Variants in ANXA8 observed in about 807,000 individuals in gnomAD.
The protein encoded by ANXA8 is VAC-beta.
In ANXA8, 9 loss-of-function variants were observed where a neutral mutation model predicts 26.8. The ratio of observed to expected loss-of-function variants is 0.34; its 90% CI spans 0.20 to 0.59. The LOEUF is 0.59. ANXA8 is among the 20% of genes least tolerant of loss of function. The probability of loss-of-function intolerance (pLI) is 0.84; values close to 1 mark genes in which losing one functional copy is unlikely to be tolerated. For synonymous variants in ANXA8, 39 were observed against 94.8 expected (o/e 0.41, Z 3.42); for missense variants, 83 against 238.5 (o/e 0.35, Z 4.29).
chr10:47,483,446 G>A (rs1839917002), intron 1 of ANXA8, among the ~76,000 whole-genome samples: 1 of 134,220 alleles, frequency 7.5e-6, no homozygotes, highest in Non-Finnish European at 1.5e-5. Flanking sequence ...GGACCCTTGA[G>A]CTGTGCTGAG....
the ANXA8 span, among the ~76,000 whole-genome samples, chr10:47,597,625 G>A: frequency 1.6e-5 from 2 of 122,014 alleles, no homozygotes; most frequent in African/African-American, 3.5e-5. Context: ...TTCAAACTGA[G>A]AACCAAATCA....
the ANXA8 span, among the ~76,000 whole-genome samples, chr10:47,533,218 C>CACAA: frequency 8.9e-6 from 1 of 112,324 alleles, no homozygotes; most frequent in East Asian, 2.9e-4. Flanking sequence ...CACACACACA[C>CACAA]ACACACCCCC....
the ANXA8 span, among the ~76,000 whole-genome samples, chr10:47,586,142 T>C: frequency 7.8e-5 from 11 of 140,550 alleles, no homozygotes; most frequent in East Asian, 2.2e-3. Flanking sequence ...TGTGCACTTT[T>C]TGTAAAATTC....
chr10:47,499,146 G>T, the ANXA8 span, among the ~76,000 whole-genome samples: 1 of 135,038 alleles, frequency 7.4e-6, no homozygotes, highest in Non-Finnish European at 1.5e-5. Context: ...AGATAAAATA[G>T]AAATCGTAGA....
Position 47,468,827 on chromosome 10 carries a change from T to G in ANXA8, c.*20A>C. 1 of 1,609,594 alleles carries G rather than the reference T, an allele frequency of 6.2e-7. No homozygotes were observed. Among genetic ancestry groups the G allele is most frequent in the Non-Finnish European group, 8.5e-7 (1 of 1,179,330 alleles). Reference sequence around the variant, plus strand: ...CTGGAGACTCTGGCTTCATGGTCTTTGCTCTTGTTCTTCTGTGCCTCAGGG... The same window carrying G: ...CTGGAGACTCTGGCTTCATGGTCTTGGCTCTTGTTCTTCTGTGCCTCAGGG... On this transcript the variant is annotated 3_prime_UTR_variant, in exon 12 of 12. Transcript: ENST00000585281.
the ANXA8 span, among the ~76,000 whole-genome samples, chr10:47,655,694 C>G: frequency 6.6e-6 from 1 of 151,942 alleles, no homozygotes; most frequent in East Asian, 1.9e-4. Context: ...GTTCCCAAGT[C>G]TTTAGTGAAC....
the ANXA8 span, among the ~76,000 whole-genome samples, chr10:47,743,371 C>T: frequency 0.36 from 17,406 of 47,690 alleles, 3,031 homozygotes; most frequent in East Asian, 0.67. Context: ...TATATATATA[C>T]ATATATATGT....
chr10:47,552,750 G>A, the ANXA8 span, among the ~76,000 whole-genome samples: 3 of 151,946 alleles, frequency 2.0e-5, no homozygotes, highest in South Asian at 2.1e-4. Context: ...GAGAAAAAGC[G>A]GGGCAGGGTA....
chr10:47,729,978 A>AT, the ANXA8 span, among the ~76,000 whole-genome samples: 1 of 97,272 alleles, frequency 1.0e-5, no homozygotes, highest in African/African-American at 3.7e-5. Context: ...CTCCCGGCTA[A>AT]TTTTTGTATT....
the ANXA8 span, among the ~76,000 whole-genome samples, chr10:47,567,078 G>A: frequency 1.4e-5 from 2 of 140,102 alleles, 1 homozygote; most frequent in African/African-American, 5.8e-5. Flanking sequence ...TGCACCTGCA[G>A]GCTGAGGGGC....
chr10:47,700,677 A>G, the ANXA8 span, among the ~76,000 whole-genome samples: 2 of 151,866 alleles, frequency 1.3e-5, no homozygotes, highest in Admixed American at 6.6e-5. Context: ...TAAATTTTGC[A>G]TAACCAAAAC....
chr10:47,511,222 C>G, the ANXA8 span, among the ~76,000 whole-genome samples: 1 of 140,882 alleles, frequency 7.1e-6, no homozygotes. Context: ...GGATTACAGG[C>G]GTGAGCCACG....
At chr10:47,600,583 AAG>A in the ANXA8 span, among the ~76,000 whole-genome samples, 1 of 147,628 alleles carries the variant, frequency 6.8e-6, no homozygotes, top group Non-Finnish European at 1.5e-5. Flanking sequence ...CTATTGGTGA[AAG>A]AGGAGTTGGA....
chr10:47,650,516 C>A, the ANXA8 span, among the ~76,000 whole-genome samples: 1 of 151,416 alleles, frequency 6.6e-6, no homozygotes, highest in Admixed American at 6.6e-5. Context: ...CCAATTGAAA[C>A]AATGGGCAGG....
the ANXA8 span, among the ~76,000 whole-genome samples, chr10:47,600,206 C>T: frequency 6.7e-6 from 1 of 149,318 alleles, no homozygotes; most frequent in Non-Finnish European, 1.5e-5. Flanking sequence ...AATAGGCTGG[C>T]TCGTAACCAA....
chr10:47,950,000 T>C, the ANXA8 span, among the ~76,000 whole-genome samples: 1 of 149,538 alleles, frequency 6.7e-6, no homozygotes, highest in Non-Finnish European at 1.5e-5. Context: ...AACTCTATGT[T>C]GTCTGAAGAC....
the ANXA8 span, among the ~76,000 whole-genome samples, chr10:47,619,598 TG>T: frequency 8.3e-6 from 1 of 119,984 alleles, no homozygotes; most frequent in African/African-American, 3.2e-5. Context: ...TTAGAAAGAT[TG>T]GGGGTGAATA....
chr10:47,645,635 T>A, the ANXA8 span, among the ~76,000 whole-genome samples: 1 of 151,622 alleles, frequency 6.6e-6, no homozygotes, highest in Admixed American at 6.6e-5. Flanking sequence ...CTGTGATGAG[T>A]AACTTCATGT....
chr10:47,578,238 C>T, the ANXA8 span, among the ~76,000 whole-genome samples: 4 of 51,132 alleles, frequency 7.8e-5, 2 homozygotes, highest in African/African-American at 2.9e-4. Flanking sequence ...ATCACTTGAA[C>T]CCAGAAGGCA....
Sources: allele counts gnomAD v4.1 joint callset (sites outside exome capture counted in the v4.1 genomes callset), GRCh38; gene constraint gnomAD v4.1.1; transcripts MANE v1.5; gene names NCBI Gene and HGNC (gene_info 2026-07-23, HGNC 2026-07-21).